Variants in HMCN1 observed in about 807,000 individuals in gnomAD.
The protein encoded by HMCN1 is hemicentin 1.
Under a neutral mutation model 625.9 loss-of-function variants are expected in HMCN1, and 321 were observed. The ratio of observed to expected loss-of-function variants is 0.51; its 90% confidence interval spans 0.47 to 0.56. The LOEUF (loss-of-function observed/expected upper bound fraction) is 0.56, where lower values mean the gene tolerates loss of function less well. Among genes scored for constraint, HMCN1 ranks in the 20% least tolerant of loss-of-function variants. The pLI is 0.00. For missense variants in HMCN1, 6,588 were observed against 6,887.3 expected (o/e 0.96, Z 1.54); for synonymous variants, 2,425 against 2,417.6 (o/e 1.00, Z -0.09).
intron 1 of HMCN1, among the ~76,000 whole-genome samples, chr1:185,798,974 G>T (rs954972695): frequency 6.6e-6 from 1 of 151,956 alleles, no homozygotes; most frequent in Non-Finnish European, 1.5e-5. Flanking sequence ...TTATGTCTTT[G>T]GTTCCTAATC....
At chr1:185,938,749 G>T (rs539907533) in intron 11 of HMCN1, among the ~76,000 whole-genome samples, 2 of 152,028 alleles carry the variant, frequency 1.3e-5, no homozygotes, top group South Asian at 4.2e-4. Context: ...TGTTCTCAGC[G>T]GTCTAGCCAT....
chr1:185,925,337 G>A, intron 9 of HMCN1, 146 bp downstream of exon 9: 1 of 763,208 alleles, frequency 1.3e-6, no homozygotes, highest in South Asian at 1.6e-5. Context: ...ACACAAATCT[G>A]TGCCGTTGTG....
In HMCN1 at chr1:186,145,780, G is replaced by A. The variant is rs770204982; in HGVS notation, c.14465G>A (p.Ser4822Asn). 2.0e-5 allele frequency: 32 copies of A among 1,614,036 alleles called. No homozygotes were observed. The South Asian group carries it at 2.3e-4, about 12-fold the overall frequency. Reference protein sequence around the residue: ...PVDGSWGSWHSWSQCSASCGG... With the variant: ...PVDGSWGSWHNWSQCSASCGG... The stretch of plus-strand genomic sequence containing the variant: ...GATGGAAGTTGGGGAAGCTGGCATA[G>A]TTGGAGCCAGTGCTCTGCCTCCTGT... The change falls in exon 93 of 107, where the codon AGT becomes AAT. Residue 4822 changes from serine (S) to asparagine (N), a missense_variant. By Grantham distance (46) the Ser-to-Asn change is conservative. Around this residue, in one of 3 missense-constraint regions of HMCN1, gnomAD observed 1,954 missense variants for 2,013.1 expected, o/e 0.97. Transcript: ENST00000271588.
At position 185,925,076 on chromosome 1, in the gene HMCN1, A is replaced by G. The variant is rs1255113798; in HGVS notation, c.1315A>G (p.Thr439Ala). 6.2e-7 allele frequency: 1 copy of G among 1,612,576 alleles called. No individual in the cohort carries two copies. ...TCCCAAAGTTACGATGCCTGAGAAA[A>G]CCCCAGGATACTATCTGCAGCCGGG... ...DAPKVTMPEK[T>A]PGYYLQPGQI... Residue 439 changes from threonine to alanine, a missense_variant, in exon 9 of 107, where the codon ACC (threonine) becomes GCC (alanine). Physicochemically the swap from Thr to Ala is moderately conservative, Grantham distance 58. Transcript: ENST00000271588.
intron 1 of HMCN1, among the ~76,000 whole-genome samples, chr1:185,768,364 G>A (rs181413467): frequency 1.3e-5 from 2 of 152,246 alleles, no homozygotes; most frequent in Admixed American, 1.3e-4. Context: ...ATTTTTAGAG[G>A]AGAGGGATGA....
intron 25 of HMCN1, among the ~76,000 whole-genome samples, chr1:185,998,824 T>C (rs1652983883): frequency 6.6e-6 from 1 of 152,148 alleles, no homozygotes; most frequent in African/African-American, 2.4e-5. Context: ...CTTTCTTTTG[T>C]TTGTTCATTT....
At chr1:186,072,939 T>C (rs1244933271) in intron 52 of HMCN1, among the ~76,000 whole-genome samples, 1 of 152,216 alleles carries the variant, frequency 6.6e-6, no homozygotes, top group Non-Finnish European at 1.5e-5. Flanking sequence ...TTTCTTTCTG[T>C]ACTTGGAGAA....
rs1369324642 is a variant in HMCN1 at position 186,128,165 on chromosome 1, C to T, written c.12778C>T (p.Pro4260Ser). The T allele has an allele frequency of 6.2e-7, 1 of 1,613,490 alleles. No homozygotes were observed. The highest frequency in any genetic ancestry group is 8.5e-7 in the Non-Finnish European group (1 of 1,179,786). Residue 4260 changes from proline to serine, a missense_variant, in exon 83 of 107, where the codon CCC becomes TCC. Physicochemically the swap from Pro to Ser is moderately conservative, Grantham distance 74. Transcript: ENST00000271588. ...TGTCAGCCTGACTGTGCATGTTCTC[C>T]CCACTTTTACTGAACTTCCTGGAGA... Reference protein sequence around the residue: ...HTVSLTVHVLPTFTELPGDVS... With the variant: ...HTVSLTVHVLSTFTELPGDVS...
intron 55 of HMCN1, 149 bp from the exon 56 acceptor site, chr1:186,081,058 T>C (rs1308216620): frequency 1.3e-6 from 1 of 766,758 alleles, no homozygotes; most frequent in Admixed American, 1.7e-5. Flanking sequence ...AATTTATTAG[T>C]ATAAAATGTT....
chr1:185,950,785 C>G (rs1299285614), intron 11 of HMCN1, among the ~76,000 whole-genome samples: 9 of 149,852 alleles, frequency 6.0e-5, no homozygotes, highest in African/African-American at 1.2e-4. Flanking sequence ...TGTTTGAGAT[C>G]CAGAACAGAA....
intron 63 of HMCN1, among the ~76,000 whole-genome samples, chr1:186,089,652 G>A (rs1322232758): frequency 2.0e-5 from 3 of 151,928 alleles, no homozygotes; most frequent in East Asian, 3.9e-4. Context: ...CATGAGATAT[G>A]TTGTAGGACT....
chr1:186,097,665 A>T (rs1016885438), intron 68 of HMCN1, among the ~76,000 whole-genome samples: 1 of 152,148 alleles, frequency 6.6e-6, no homozygotes, highest in East Asian at 1.9e-4. Flanking sequence ...TTCTATGAAA[A>T]TACCATTGGC....
intron 1 of HMCN1, among the ~76,000 whole-genome samples, chr1:185,774,354 T>C (rs939297568): frequency 1.3e-5 from 2 of 152,172 alleles, no homozygotes. Flanking sequence ...AAAGCAACTC[T>C]AACACCAGTT....
At chr1:185,840,783 CAG>C (rs1558008063) in intron 1 of HMCN1, among the ~76,000 whole-genome samples, 1 of 152,038 alleles carries the variant, frequency 6.6e-6, no homozygotes, top group African/African-American at 2.4e-5. Context: ...TAATGCAGCT[CAG>C]GGGGTTCTTG....
In HMCN1 at chr1:186,098,151, T is replaced by C. The variant is rs576613488; in HGVS notation, c.10573+2630T>C. On this transcript the variant is annotated intron_variant, in intron 68 of 106. Transcript: ENST00000271588. ...CATGATATTGGACTAGGCAAGGATTTTTCTGGATAAGAACTCAAAAGCATG... is the reference window on the plus strand; with the variant it reads ...CATGATATTGGACTAGGCAAGGATTCTTCTGGATAAGAACTCAAAAGCATG... 5.9e-5 allele frequency among the ~76,000 whole-genome samples: 9 copies of C among 152,044 alleles called. No individual in the cohort carries two copies. In the Middle Eastern group the frequency reaches 0.014, roughly 230 times the overall value.
At chr1:185,782,453 A>G (rs1260431239) in intron 1 of HMCN1, among the ~76,000 whole-genome samples, 3 of 152,112 alleles carry the variant, frequency 2.0e-5, no homozygotes, top group African/African-American at 7.2e-5. Context: ...GATGGTCTTT[A>G]CAGTTTGGCA....
chr1:185,904,343 A>G (rs1162671413), intron 4 of HMCN1, among the ~76,000 whole-genome samples: 1 of 151,846 alleles, frequency 6.6e-6, no homozygotes, highest in Non-Finnish European at 1.5e-5. Context: ...AGGGTTTACT[A>G]CAAAATGATT....
intron 24 of HMCN1, among the ~76,000 whole-genome samples, chr1:185,995,570 G>A (rs1652724990): frequency 6.6e-6 from 1 of 152,132 alleles, no homozygotes; most frequent in East Asian, 1.9e-4. Context: ...GTCATGTTTA[G>A]GCGGTGATGA....
intron 1 of HMCN1, among the ~76,000 whole-genome samples, chr1:185,756,470 C>T (rs1271758454): frequency 6.8e-6 from 1 of 146,316 alleles, no homozygotes. Flanking sequence ...CCTAATTTGA[C>T]CTCAGGGTAA....
Sources: allele counts gnomAD v4.1 joint callset (sites outside exome capture counted in the v4.1 genomes callset), GRCh38; gene constraint gnomAD v4.1.1; regional missense constraint gnomAD v4.1.1; transcripts MANE v1.5; gene names NCBI Gene and HGNC (gene_info 2026-07-23, HGNC 2026-07-21).